The following KCNN2 variants were observed in gnomAD, a reference collection of about 807,000 sequenced individuals.
KCNN2 encodes small conductance calcium-activated potassium channel protein 2.
A neutral mutation model predicts 55.5 loss-of-function variants in KCNN2; 24 were observed. The ratio of observed to expected loss-of-function variants is 0.43; its 90% confidence interval spans 0.31 to 0.61. The LOEUF (loss-of-function observed/expected upper bound fraction) is 0.61. Among genes scored for constraint, KCNN2 ranks in the 20% least tolerant of loss-of-function variants. The pLI, the probability that KCNN2 is intolerant of heterozygous loss-of-function variation, is 0.08. For synonymous variants in KCNN2, 431 were observed against 336.1 expected, an observed-to-expected ratio of 1.28 and a Z score of -3.09; for missense variants, 754 against 853.6, an observed-to-expected ratio of 0.88 and a Z score of 1.45.
At chr5:114,243,011 GA>G (rs1754675358) in intron 2 of KCNN2, among the ~76,000 whole-genome samples, 1 of 53,576 alleles carries the variant, frequency 1.9e-5, no homozygotes. Context: ...GTGAGCAAAA[GA>G]AATATTCTCT....
At chr5:114,109,982 C>T (rs901066980) in intron 1 of KCNN2, among the ~76,000 whole-genome samples, 1 of 151,936 alleles carries the variant, frequency 6.6e-6, no homozygotes, top group Non-Finnish European at 1.5e-5. Context: ...AGGGCTCCTC[C>T]CCTCATGAAT....
At chr5:114,212,278 G>T (rs2112583291) in intron 1 of KCNN2, among the ~76,000 whole-genome samples, 1 of 152,120 alleles carries the variant, frequency 6.6e-6, no homozygotes, top group African/African-American at 2.4e-5. Context: ...TGTGTTAAGT[G>T]AAAGCACCTA....
intron 2 of KCNN2, among the ~76,000 whole-genome samples, chr5:114,399,561 T>G (rs540067562): frequency 2.2e-4 from 34 of 152,294 alleles, no homozygotes; most frequent in Non-Finnish European, 3.8e-4. Flanking sequence ...GAAGTTTTAT[T>G]TTTTTGTTGT....
chr5:114,163,092 C>T (rs2112533812), intron 1 of KCNN2, among the ~76,000 whole-genome samples: 1 of 152,282 alleles, frequency 6.6e-6, no homozygotes, highest in African/African-American at 2.4e-5. Context: ...TTCTGCGTCG[C>T]TCAGGCTGGG....
intron 3 of KCNN2, among the ~76,000 whole-genome samples, chr5:114,415,210 C>G (rs1315580477): frequency 6.6e-6 from 1 of 152,180 alleles, no homozygotes; most frequent in Non-Finnish European, 1.5e-5. Flanking sequence ...TTTGGTCACT[C>G]ATTCACCAGT....
At chr5:114,305,540 G>A (rs1756251658) in intron 2 of KCNN2, among the ~76,000 whole-genome samples, 1 of 152,180 alleles carries the variant, frequency 6.6e-6, no homozygotes, top group South Asian at 2.1e-4. Flanking sequence ...CAGAGCCTGA[G>A]GATCTGTATA....
intron 2 of KCNN2, among the ~76,000 whole-genome samples, chr5:114,368,276 A>G (rs1278564016): frequency 6.6e-6 from 1 of 152,198 alleles, no homozygotes; most frequent in African/African-American, 2.4e-5. Context: ...TTATATAATA[A>G]ATAGCATTAG....
chr5:114,193,498 C>A (rs1753490820), intron 1 of KCNN2, among the ~76,000 whole-genome samples: 1 of 152,124 alleles, frequency 6.6e-6, no homozygotes, highest in Non-Finnish European at 1.5e-5. Context: ...CATAACAAGG[C>A]AATCCTTTAG....
chr5:114,458,835 C>T (rs1227908083), intron 3 of KCNN2, among the ~76,000 whole-genome samples: 2 of 152,034 alleles, frequency 1.3e-5, no homozygotes, highest in Admixed American at 6.5e-5. Context: ...AGAGTACAAA[C>T]GAGGGTTAGA....
intron 3 of KCNN2, among the ~76,000 whole-genome samples, chr5:114,406,136 AC>A (rs956672143): frequency 1.3e-5 from 2 of 148,544 alleles, no homozygotes; most frequent in Non-Finnish European, 3.0e-5. Context: ...AACCCTGACC[AC>A]CCCCCAGCCC....
At chr5:114,283,754 G>C (rs111803829) in intron 2 of KCNN2, among the ~76,000 whole-genome samples, 2 of 152,182 alleles carry the variant, frequency 1.3e-5, no homozygotes, top group Admixed American at 1.3e-4. Flanking sequence ...CAGGTACCTG[G>C]GAGTGAAAGC....
chr5:114,347,762 A>G (rs182960709), intron 2 of KCNN2, among the ~76,000 whole-genome samples: 4 of 152,322 alleles, frequency 2.6e-5, no homozygotes. Flanking sequence ...GAAAAACCCC[A>G]TGAGTAAATT....
At chr5:114,207,150 T>G (rs1223928381) in intron 1 of KCNN2, among the ~76,000 whole-genome samples, 1 of 152,154 alleles carries the variant, frequency 6.6e-6, no homozygotes, top group Non-Finnish European at 1.5e-5. Flanking sequence ...CCCTAATGAC[T>G]AGTTCTTGTT....
intron 1 of KCNN2, among the ~76,000 whole-genome samples, chr5:114,098,840 G>A: frequency 6.6e-6 from 1 of 151,982 alleles, no homozygotes; most frequent in East Asian, 1.9e-4. Flanking sequence ...AGTGGCATTT[G>A]GTTACATACA....
At chr5:114,132,312 G>T (rs1467870891) in intron 1 of KCNN2, among the ~76,000 whole-genome samples, 1 of 152,134 alleles carries the variant, frequency 6.6e-6, no homozygotes, top group African/African-American at 2.4e-5. Context: ...TTTGTGCAAG[G>T]TGTAAGGAAG....
At chr5:114,093,478 T>A (rs935556762) in intron 1 of KCNN2, among the ~76,000 whole-genome samples, 4 of 152,162 alleles carry the variant, frequency 2.6e-5, no homozygotes, top group African/African-American at 9.7e-5. Context: ...GGGTATGTTT[T>A]TAACAGTGCC....
At chr5:114,418,011 G>T (rs1319585776) in intron 3 of KCNN2, among the ~76,000 whole-genome samples, 1 of 152,118 alleles carries the variant, frequency 6.6e-6, no homozygotes. Context: ...AAATGTTTCT[G>T]CACAGATGTG....
chr5:114,431,819 G>C (rs967510864), intron 3 of KCNN2, among the ~76,000 whole-genome samples: 19 of 152,008 alleles, frequency 1.2e-4, no homozygotes, highest in Admixed American at 9.2e-4. Context: ...AATTTCTCTT[G>C]AGAATTGTTC....
chr5:114,432,911 C>A (rs1456038836), intron 3 of KCNN2, among the ~76,000 whole-genome samples: 4 of 152,232 alleles, frequency 2.6e-5, no homozygotes, highest in African/African-American at 9.6e-5. Context: ...CCTTAGCTGC[C>A]TTCCCGCGGG....
Sources: gnomAD v4.1 joint callset for allele counts (sites outside exome capture counted in the v4.1 genomes callset) on GRCh38, gnomAD v4.1.1 for gene constraint, MANE v1.5 for transcripts, NCBI Gene and HGNC (gene_info 2026-07-23, HGNC 2026-07-21) for gene names.